The following TRIM9 variants were observed in gnomAD, a reference collection of about 807,000 sequenced individuals.
TRIM9 encodes the protein tripartite motif containing 9.
In TRIM9, 26 loss-of-function variants were observed where a neutral mutation model predicts 78.3. The observed-to-expected ratio is 0.33, with a 90% CI of 0.24 to 0.46. The LOEUF (loss-of-function observed/expected upper bound fraction) is 0.46, where lower values mean the gene tolerates loss of function less well. Ranked by LOEUF, TRIM9 falls within the 20% of genes least tolerant of loss-of-function variation. The pLI, the probability that TRIM9 is intolerant of heterozygous loss-of-function variation, is 1.00. For synonymous variants in TRIM9, 398 were observed against 416.5 expected (o/e 0.96, Z 0.54); for missense variants, 787 against 1,036.4 (o/e 0.76, Z 3.30).
chr14:51,009,029 C>A lies in TRIM9; in HGVS notation c.1306+51G>T, dbSNP rs780622170. The stretch of plus-strand genomic sequence containing the variant: ...GGGGTACTGATCCTGCTTCAAGCAC[C>A]AGCATCCACTCAGGATGTTGCTCTC... On this transcript the variant is annotated intron_variant, in intron 5 of 12. Coordinates refer to ENST00000684578, the MANE Select transcript of TRIM9 (RefSeq NM_001387360.1). 21 of 1,590,910 alleles carry A rather than the reference C, an allele frequency of 1.3e-5. 1 individual carries two copies. In the South Asian group the frequency reaches 2.3e-4, roughly 18 times the overall value.
chr14:51,005,787 A>C (rs2055707347), intron 5 of TRIM9, among the ~76,000 whole-genome samples: 1 of 152,250 alleles, frequency 6.6e-6, no homozygotes, highest in South Asian at 2.1e-4. Context: ...TTCTAATCAA[A>C]ATACAACCAG....
intron 5 of TRIM9, 88 bp from the exon 6 acceptor site, chr14:51,000,928 G>T: frequency 6.7e-7 from 1 of 1,501,440 alleles, no homozygotes; most frequent in Non-Finnish European, 9.1e-7. Context: ...TGATAAACAC[G>T]TGGTTAGAAG....
At chr14:51,085,323 G>T (rs60378597) in intron 1 of TRIM9, among the ~76,000 whole-genome samples, 4,402 of 152,290 alleles carry the variant, frequency 0.029, 155 homozygotes, top group African/African-American at 0.082. Flanking sequence ...CCGCACCAAA[G>T]AATAATGTTT....
intron 2 of TRIM9, among the ~76,000 whole-genome samples, chr14:51,023,814 C>T (rs752215708): frequency 1.6e-4 from 24 of 152,164 alleles, no homozygotes; most frequent in African/African-American, 5.1e-4. Context: ...CTCACATATA[C>T]GTTAGTAATA....
In TRIM9 at chr14:51,026,162, T is replaced by A. The variant is rs116659476; in HGVS notation, c.823-802A>T. On this transcript the variant is annotated intron_variant, in intron 1 of 12. Transcript: ENST00000684578. ...TGGAGGGGTCTGAGAAAGCTTTTGC[T>A]TTTCTGCTGATACGGAACCACTGTG... Among the ~76,000 whole-genome samples, 737 of 152,260 alleles carry A rather than the reference T, an allele frequency of 4.8e-3. 1 individual carries two copies. The highest frequency in any genetic ancestry group is 0.017 in the African/African-American group (698 of 41,556).
chr14:51,018,773 C>T (rs772807284), intron 3 of TRIM9, among the ~76,000 whole-genome samples: 3 of 152,170 alleles, frequency 2.0e-5, no homozygotes, highest in Non-Finnish European at 2.9e-5. Context: ...ATTTACCAAC[C>T]ACACATGGAA....
At chr14:51,067,810 C>G (rs1244213720) in intron 1 of TRIM9, among the ~76,000 whole-genome samples, 1 of 152,116 alleles carries the variant, frequency 6.6e-6, no homozygotes, top group Non-Finnish European at 1.5e-5. Context: ...CCATTACATT[C>G]TACCATTTAC....
At chr14:50,984,574 C>T (rs1345229612) in intron 8 of TRIM9, among the ~76,000 whole-genome samples, 1 of 152,114 alleles carries the variant, frequency 6.6e-6, no homozygotes, top group Admixed American at 6.5e-5. Flanking sequence ...GTTTTAAAAC[C>T]GACTCTCATA....
chr14:51,071,850 T>C (rs2062299404), intron 1 of TRIM9, among the ~76,000 whole-genome samples: 1 of 151,988 alleles, frequency 6.6e-6, no homozygotes, highest in Non-Finnish European at 1.5e-5. Context: ...TTCTGAGCTG[T>C]ATTTGGGTCA....
intron 1 of TRIM9, among the ~76,000 whole-genome samples, chr14:51,039,620 T>A (rs868273710): frequency 1.3e-4 from 20 of 152,370 alleles, no homozygotes; most frequent in Middle Eastern, 3.4e-3. Flanking sequence ...GCAAGTGTCA[T>A]GAGGGGATTC....
At chr14:51,041,262 G>T (rs753930255) in intron 1 of TRIM9, among the ~76,000 whole-genome samples, 4 of 152,242 alleles carry the variant, frequency 2.6e-5, no homozygotes, top group Non-Finnish European at 4.4e-5. Flanking sequence ...AGTTGATTTT[G>T]TAAATGACAA....
intron 1 of TRIM9, among the ~76,000 whole-genome samples, chr14:51,051,227 T>G (rs1304379044): frequency 1.3e-5 from 2 of 152,210 alleles, no homozygotes; most frequent in Non-Finnish European, 2.9e-5. Flanking sequence ...TCCTGAAAAT[T>G]TCCTATATCT....
At chr14:51,038,370 A>C (rs532298477) in intron 1 of TRIM9, among the ~76,000 whole-genome samples, 5 of 152,190 alleles carry the variant, frequency 3.3e-5, no homozygotes, top group African/African-American at 7.2e-5. Context: ...TTAAGTTGCT[A>C]AGTTTTTTGT....
Position 51,094,507 on chromosome 14 carries a change from A to C in TRIM9, c.433T>G (p.Phe145Val), listed in dbSNP as rs1326536385. Residue 145 changes from phenylalanine (F) to valine (V), a missense_variant, in exon 1 of 13, where the codon TTC (phenylalanine) becomes GTC (valine). Physicochemically the swap from Phe to Val is conservative, Grantham distance 50 (BLOSUM62 -1). Around this residue, in one of 3 missense-constraint regions of TRIM9, gnomAD observed 352 missense variants for 472.3 expected, o/e 0.75. Coordinates refer to ENST00000684578, the MANE Select transcript of TRIM9 (RefSeq NM_001387360.1). ...LILDDRGLRG[F>V]PKNRVLEGVI... ...CCTTCCAGTACGCGATTCTTGGGGA[A>C]GCCGCGGAGCCCCCGGTCATCCAGG... 4 of 1,613,502 alleles carry C rather than the reference A, an allele frequency of 2.5e-6. No individual in the cohort carries two copies. Among genetic ancestry groups the C allele is most frequent in the Non-Finnish European group, 3.4e-6 (4 of 1,179,940 alleles).
In TRIM9 at chr14:50,979,543, C is replaced by G; in HGVS notation, c.2169G>C (p.Glu723Asp). ...MHNNSHTNRT[E>D]GGITKGATIG... ...TTGTGGCCCCTTTTGTGATCCCTCC[C>G]TCAGTTCTGTAGGAAAAGAGAAAAA... The change falls in exon 12 of 13, where the codon GAG (glutamate) becomes GAC (aspartate). Residue 723 changes from glutamate to aspartate, a missense_variant. Around this residue, in one of 3 missense-constraint regions of TRIM9, gnomAD observed 421 missense variants for 514.3 expected, o/e 0.82. Coordinates refer to ENST00000684578, the MANE Select transcript of TRIM9 (RefSeq NM_001387360.1). 6.2e-7 allele frequency: 1 copy of G among 1,613,692 alleles called. No individual in the cohort carries two copies. The highest frequency in any genetic ancestry group is 2.2e-5 in the East Asian group (1 of 44,870).
At position 51,005,367 on chromosome 14, in the gene TRIM9, C is replaced by T. The variant is rs541885231; in HGVS notation, c.1306+3713G>A. On this transcript the variant is annotated intron_variant, in intron 5 of 12. Transcript: ENST00000684578. ...TAGAGGCACTTAAGGGGATTAACAG[C>T]CAATGGTCTATGTGCTAAAAAGGCT... is the stretch of plus-strand genomic sequence containing the variant. Among the ~76,000 whole-genome samples, 13 of 152,250 alleles carry T rather than the reference C, an allele frequency of 8.5e-5. No homozygotes were observed. In the East Asian group the frequency reaches 2.3e-3, roughly 27 times the overall value.
chr14:50,992,766 G>T (rs1174883476), intron 7 of TRIM9, among the ~76,000 whole-genome samples: 1 of 152,188 alleles, frequency 6.6e-6, no homozygotes, highest in Non-Finnish European at 1.5e-5. Flanking sequence ...AATGAAAGGG[G>T]CAGCGTGATG....
chr14:51,073,212 C>A (rs905808493), intron 1 of TRIM9, among the ~76,000 whole-genome samples: 1 of 152,160 alleles, frequency 6.6e-6, no homozygotes, highest in Non-Finnish European at 1.5e-5. Flanking sequence ...AGAGATGTAC[C>A]ATGGCACCAC....
At chr14:50,992,241 C>T (rs1035119650) in intron 7 of TRIM9, among the ~76,000 whole-genome samples, 1 of 152,140 alleles carries the variant, frequency 6.6e-6, no homozygotes, top group Non-Finnish European at 1.5e-5. Context: ...GGTCTCAGCA[C>T]ATCAGGGTGC....
Sources: gnomAD v4.1 joint callset for allele counts (sites outside exome capture counted in the v4.1 genomes callset) on GRCh38, gnomAD v4.1.1 for gene constraint, gnomAD v4.1.1 regional missense constraint, MANE v1.5 for transcripts, NCBI Gene and HGNC (gene_info 2026-07-23, HGNC 2026-07-21) for gene names.